Variants in SSH2 observed in about 807,000 individuals in gnomAD.
SSH2 encodes the protein slingshot protein phosphatase 2.
SSH2 carries 37 observed loss-of-function variants against 135.2 expected under a neutral mutation model. That is an observed-to-expected ratio of 0.27 (90% CI 0.21 to 0.36). SSH2 has a LOEUF of 0.36. Ranked by LOEUF, SSH2 falls within the 10% of genes least tolerant of loss-of-function variation. SSH2 has a pLI of 1.00. For synonymous variants in SSH2, 628 were observed against 646.2 expected, an observed-to-expected ratio of 0.97 and a Z score of 0.43; for missense variants, 1,408 against 1,765.3, an observed-to-expected ratio of 0.80 and a Z score of 3.63.
chr17:29,923,209 C>T (rs1045832865), intron 1 of SSH2, among the ~76,000 whole-genome samples: 3 of 152,062 alleles, frequency 2.0e-5, no homozygotes, highest in Admixed American at 2.0e-4. Context: ...CGTGGCTGGC[C>T]TTAAAATTGT....
intron 1 of SSH2, among the ~76,000 whole-genome samples, chr17:29,860,440 T>A (rs906586376): frequency 1.4e-5 from 2 of 144,676 alleles, no homozygotes; most frequent in African/African-American, 5.1e-5. Context: ...TTTGCCCACT[T>A]TTTTTTTTTT....
intron 3 of SSH2, among the ~76,000 whole-genome samples, chr17:29,736,786 C>CA (rs1194959594): frequency 0.035 from 355 of 10,188 alleles, 102 homozygotes; most frequent in African/African-American, 0.088. Flanking sequence ...GACTCTGTCT[C>CA]AAAAAAAAAA....
At chr17:29,781,490 T>C (rs1406699618) in intron 3 of SSH2, among the ~76,000 whole-genome samples, 1 of 143,988 alleles carries the variant, frequency 6.9e-6, no homozygotes, top group African/African-American at 2.6e-5. Context: ...TTTTTTTTTT[T>C]TTTTTTTGAG....
intron 2 of SSH2, among the ~76,000 whole-genome samples, chr17:29,827,673 T>C (rs1287781719): frequency 6.6e-6 from 1 of 152,064 alleles, no homozygotes; most frequent in Non-Finnish European, 1.5e-5. Flanking sequence ...CCAGGTAATA[T>C]GCATTATGAC....
In SSH2 at chr17:29,628,967, A is replaced by G. The variant is rs1190951541; in HGVS notation, c.*1874T>C. The stretch of plus-strand genomic sequence containing the variant: ...CCACCAAACTCTGGCCTCTGACATC[A>G]TGCTGACAGTCTGTGCATTTGTATT... On this transcript the variant is annotated 3_prime_UTR_variant, in exon 16 of 16. Transcript: ENST00000540801. 1.3e-4 allele frequency: 20 copies of G among 152,470 alleles called. No individual in the cohort carries two copies. The allele number at this position is 152,470 out of a possible 1,614,324, so 9.4% of individuals were successfully genotyped here.
chr17:29,741,924 A>AT (rs761466626), intron 3 of SSH2, among the ~76,000 whole-genome samples: 7 of 112,720 alleles, frequency 6.2e-5, no homozygotes, highest in Admixed American at 2.0e-4. Flanking sequence ...CAGCAATCTC[A>AT]TTTTTTTTTC....
At chr17:29,717,897 A>G (rs1283979105) in intron 3 of SSH2, among the ~76,000 whole-genome samples, 1 of 152,190 alleles carries the variant, frequency 6.6e-6, no homozygotes, top group Non-Finnish European at 1.5e-5. Context: ...AGCAGATATA[A>G]AAGGCCCTGA....
At chr17:29,734,857 TAG>T (rs2040314134) in intron 3 of SSH2, among the ~76,000 whole-genome samples, 1 of 152,168 alleles carries the variant, frequency 6.6e-6, no homozygotes, top group South Asian at 2.1e-4. Flanking sequence ...TCCTTCTCAA[TAG>T]AGAGAAAAAC....
chr17:29,767,595 A>G (rs1302467024), intron 3 of SSH2, among the ~76,000 whole-genome samples: 1 of 151,022 alleles, frequency 6.6e-6, no homozygotes, highest in African/African-American at 2.4e-5. Flanking sequence ...AATATATTGT[A>G]GCTGCTCTTT....
intron 2 of SSH2, among the ~76,000 whole-genome samples, chr17:29,809,754 C>T (rs1451566106): frequency 6.6e-6 from 1 of 152,014 alleles, no homozygotes; most frequent in Non-Finnish European, 1.5e-5. Context: ...GACAGGGTCT[C>T]GCTTGGTTGA....
intron 1 of SSH2, among the ~76,000 whole-genome samples, chr17:29,883,601 G>A (rs2066179355): frequency 6.6e-6 from 1 of 152,098 alleles, no homozygotes; most frequent in South Asian, 2.1e-4. Context: ...GTAAAGAATG[G>A]TAATGTCATC....
intron 1 of SSH2, among the ~76,000 whole-genome samples, chr17:29,911,184 T>C (rs2066757834): frequency 1.3e-5 from 2 of 152,118 alleles, no homozygotes; most frequent in African/African-American, 2.4e-5. Flanking sequence ...AAAATAAACA[T>C]GAATAAAAAT....
At position 29,768,513 on chromosome 17, in the gene SSH2, C is replaced by A. The variant is rs1382100696; in HGVS notation, c.188+25381G>T. On this transcript the variant is annotated intron_variant, in intron 3 of 15. Transcript: ENST00000540801. ...TTTCAAACTTCTGGGCTCAAGCGAT[C>A]CTCCTGCCTTGGCCTCCCAAAGTGT... is the stretch of plus-strand genomic sequence containing the variant. 5.3e-5 allele frequency among the ~76,000 whole-genome samples: 8 copies of A among 152,074 alleles called. No individual in the cohort carries two copies. The South Asian group carries it at 1.7e-3, about 32-fold the overall frequency.
intron 12 of SSH2, among the ~76,000 whole-genome samples, chr17:29,654,353 C>T (rs950888552): frequency 6.6e-6 from 1 of 151,992 alleles, no homozygotes; most frequent in East Asian, 1.9e-4. Context: ...ATTCCCCTCC[C>T]CACCCCCCGG....
chr17:29,775,128 T>G (rs1489814043), intron 3 of SSH2, among the ~76,000 whole-genome samples: 1 of 152,218 alleles, frequency 6.6e-6, no homozygotes, highest in Non-Finnish European at 1.5e-5. Context: ...AATTTATACA[T>G]TTATCACTCA....
intron 3 of SSH2, among the ~76,000 whole-genome samples, chr17:29,755,692 C>T (rs1156510282): frequency 1.0e-4 from 15 of 148,732 alleles, no homozygotes; most frequent in Non-Finnish European, 1.6e-4. Flanking sequence ...GATGGAGTCT[C>T]GCTCTTTCGC....
At chr17:29,655,730 G>A in intron 11 of SSH2, 123 bp from the exon 12 acceptor site, 6 of 783,320 alleles carry the variant, frequency 7.7e-6, no homozygotes, top group Non-Finnish European at 1.1e-5. Flanking sequence ...TGCCCTTTAA[G>A]TTGCCAGGCA....
chr17:29,848,997 A>G, intron 1 of SSH2, 68 bp from the exon 2 acceptor site: 1 of 1,042,560 alleles, frequency 9.6e-7, no homozygotes, highest in Non-Finnish European at 1.4e-6. Flanking sequence ...GGGAAAAGCA[A>G]GCTGAAATCA....
At chr17:29,678,954 G>A (rs981776509) in intron 6 of SSH2, among the ~76,000 whole-genome samples, 2 of 152,016 alleles carry the variant, frequency 1.3e-5, no homozygotes, top group African/African-American at 2.4e-5. Context: ...GCCTCAGAGT[G>A]ATCCACCCGT....
Sources: gnomAD v4.1 joint callset for allele counts (sites outside exome capture counted in the v4.1 genomes callset) on GRCh38, gnomAD v4.1.1 for gene constraint, MANE v1.5 for transcripts, NCBI Gene and HGNC (gene_info 2026-07-23, HGNC 2026-07-21) for gene names.